Variants in GPHN observed in about 807,000 individuals in gnomAD.
GPHN encodes gephyrin.
In GPHN, 17 loss-of-function variants were observed where a neutral mutation model predicts 95.5. That is an observed-to-expected ratio of 0.18 (90% CI 0.12 to 0.27). The LOEUF (loss-of-function observed/expected upper bound fraction) is 0.27, where lower values mean the gene tolerates loss of function less well. Ranked by LOEUF, GPHN falls within the 10% of genes least tolerant of loss-of-function variation. The pLI is 1.00. For synonymous variants in GPHN, 320 were observed against 322.5 expected (o/e 0.99, Z 0.08); for missense variants, 660 against 978.1 (o/e 0.67, Z 4.34).
chr14:66,542,063 A>G (rs562760855), intron 1 of GPHN, among the ~76,000 whole-genome samples: 22 of 152,216 alleles, frequency 1.4e-4, no homozygotes, highest in East Asian at 7.7e-4. Flanking sequence ...TGCATTCTCA[A>G]CTTCCTTGCA....
chr14:67,238,479 A>G, the GPHN span, among the ~76,000 whole-genome samples: 1 of 151,848 alleles, frequency 6.6e-6, no homozygotes, highest in Non-Finnish European at 1.5e-5. Context: ...CATGTTGACC[A>G]GGCTGGTTTT....
the GPHN span, among the ~76,000 whole-genome samples, chr14:67,657,624 C>CA: frequency 0.035 from 4,943 of 143,132 alleles, 211 homozygotes; most frequent in African/African-American, 0.11. Flanking sequence ...ACACACACAC[C>CA]CAAAATCAAA....
At chr14:66,599,389 T>TTA (rs2062123066) in intron 1 of GPHN, among the ~76,000 whole-genome samples, 1 of 116,044 alleles carries the variant, frequency 8.6e-6, no homozygotes, top group African/African-American at 4.9e-5. Context: ...CATTTTTTTT[T>TTA]GCATTTTTTT....
intron 2 of GPHN, among the ~76,000 whole-genome samples, chr14:66,695,202 A>G (rs1037847279): frequency 2.0e-5 from 3 of 152,072 alleles, no homozygotes; most frequent in South Asian, 2.1e-4. Context: ...AATAAACTCT[A>G]TTGAAAAGTG....
chr14:66,857,917 A>G (rs1488164100), intron 4 of GPHN, among the ~76,000 whole-genome samples: 1 of 152,194 alleles, frequency 6.6e-6, no homozygotes, highest in East Asian at 1.9e-4. Context: ...CTGTCACAGC[A>G]GAAAGCAACA....
intron 4 of GPHN, among the ~76,000 whole-genome samples, chr14:66,849,617 G>A (rs1382211270): frequency 6.6e-6 from 1 of 151,942 alleles, no homozygotes; most frequent in South Asian, 2.1e-4. Flanking sequence ...TACCAATCTG[G>A]TAGGTGAAAA....
the GPHN span, chr14:67,656,685 A>C: frequency 7.6e-7 from 1 of 1,318,994 alleles, no homozygotes; most frequent in Non-Finnish European, 1.0e-6. Context: ...GAAGGGATAT[A>C]GTGAGCAATA....
the GPHN span, chr14:67,574,140 G>C: frequency 9.4e-7 from 1 of 1,068,044 alleles, no homozygotes; most frequent in Non-Finnish European, 1.3e-6. This position sits in a 1 kb window ranked among gnomAD's most constrained non-coding sequence, Gnocchi z 4.2. Flanking sequence ...CAGGCAGAAG[G>C]CCAGCCCCTT....
At chr14:66,583,511 G>A (rs147326223) in intron 1 of GPHN, among the ~76,000 whole-genome samples, 8,018 of 151,922 alleles carry the variant, frequency 0.053, 503 homozygotes, top group African/African-American at 0.14. Context: ...GGGTTTTTAC[G>A]GTTTTAGGTC....
Position 66,889,939 on chromosome 14 carries a change from C to G in GPHN, c.389+9906C>G, listed in dbSNP as rs978065282. On this transcript the variant is annotated intron_variant, in intron 5 of 22. Transcript: ENST00000478722. ...GTAATGAAAATGGAGTCATTAGTACCAATTCCACAGAAATAAAAAGGACTA... is the reference window on the plus strand; with the variant it reads ...GTAATGAAAATGGAGTCATTAGTACGAATTCCACAGAAATAAAAAGGACTA... Among the ~76,000 whole-genome samples the G allele has an allele frequency of 2.0e-5, 3 of 152,068 alleles. No homozygotes were observed. In the South Asian group the frequency reaches 6.2e-4, roughly 32 times the overall value.
the GPHN span, chr14:67,561,936 AT>A: frequency 6.2e-7 from 1 of 1,601,338 alleles, no homozygotes. Flanking sequence ...CTAAATCTTC[AT>A]TTTTCTTTTT....
the GPHN span, among the ~76,000 whole-genome samples, chr14:67,685,496 C>T: frequency 6.6e-6 from 1 of 152,116 alleles, no homozygotes; most frequent in Non-Finnish European, 1.5e-5. Flanking sequence ...TGACCACCCC[C>T]TTCTTTTTTA....
chr14:66,726,255 G>A (rs879785195), intron 2 of GPHN, among the ~76,000 whole-genome samples: 8 of 152,112 alleles, frequency 5.3e-5, no homozygotes, highest in Middle Eastern at 6.8e-3. Context: ...AGAAAAATGT[G>A]GAATAATTTA....
chr14:66,905,510 T>C (rs1596331219), intron 5 of GPHN, among the ~76,000 whole-genome samples: 1 of 152,262 alleles, frequency 6.6e-6, no homozygotes, highest in East Asian at 1.9e-4. Context: ...TGTCTTTGCA[T>C]TGGAGGATTA....
chr14:67,559,626 GAAGCAAAAACTGTTCAAGAAA>G, the GPHN span: 1 of 1,600,312 alleles, frequency 6.2e-7, no homozygotes, highest in South Asian at 1.1e-5. Context: ...GAGGGCAGAG[GAAGCAAAAACTGTTCAAGAAA>G]AAGCTGCAAA....
chr14:67,722,563 C>G, the GPHN span: 13 of 1,213,090 alleles, frequency 1.1e-5, no homozygotes, highest in Admixed American at 1.7e-5. Flanking sequence ...AGAGCTGGAG[C>G]CAGACCAGGA....
chr14:66,524,449 C>T (rs12433426), intron 1 of GPHN, among the ~76,000 whole-genome samples: 9 of 151,854 alleles, frequency 5.9e-5, no homozygotes, highest in African/African-American at 2.2e-4. Flanking sequence ...TAGAGCATTG[C>T]CAAAGATAAG....
intron 3 of GPHN, among the ~76,000 whole-genome samples, chr14:66,782,797 C>A (rs886613091): frequency 3.3e-5 from 5 of 152,110 alleles, no homozygotes; most frequent in African/African-American, 1.2e-4. Flanking sequence ...GGTGCCACTG[C>A]ACTCCACCCT....
intron 1 of GPHN, among the ~76,000 whole-genome samples, chr14:66,663,583 C>A (rs1327763523): frequency 6.6e-6 from 1 of 151,866 alleles, no homozygotes; most frequent in Non-Finnish European, 1.5e-5. Context: ...AAACAAGTCT[C>A]CAAAATAACC....
Sources: gnomAD v4.1 joint callset for allele counts (sites outside exome capture counted in the v4.1 genomes callset) on GRCh38, gnomAD v4.1.1 for gene constraint, Gnocchi (gnomAD v3.1) non-coding constraint, MANE v1.5 for transcripts, NCBI Gene and HGNC (gene_info 2026-07-23, HGNC 2026-07-21) for gene names.